Variants in EPB41L2 observed in about 807,000 individuals in gnomAD.
EPB41L2 encodes band 4.1-like protein 2.
EPB41L2 carries 43 observed loss-of-function variants against 113.0 expected under a neutral mutation model. That is an observed-to-expected ratio of 0.38 (90% CI 0.30 to 0.49). The LOEUF (loss-of-function observed/expected upper bound fraction) is 0.49. Among genes scored for constraint, EPB41L2 ranks in the 20% least tolerant of loss-of-function variants. The pLI, the probability that EPB41L2 is intolerant of heterozygous loss-of-function variation, is 0.95. For synonymous variants in EPB41L2, 442 were observed against 436.7 expected (o/e 1.01, Z -0.15); for missense variants, 1,147 against 1,223.4 (o/e 0.94, Z 0.93).
chr6:130,880,009 A>G, intron 13 of EPB41L2, 135 bp downstream of exon 13: 1 of 623,272 alleles, frequency 1.6e-6, no homozygotes, highest in Non-Finnish European at 2.9e-6. Context: ...GGTAACATGC[A>G]CTCCCGAGCT....
At position 130,885,156 on chromosome 6, in the gene EPB41L2, G is replaced by C. The variant is rs766718627; in HGVS notation, c.1773C>G (p.Asp591Glu). ...TTGGGCTTCTCACTTCCCTCCTGCC[G>C]TCCCCATCTTGTACCACGGCAATGC... ...LVSIAVVQDG[D>E]GRREVRSPTK... is the part of the protein sequence containing the mutation. Residue 591 changes from aspartate to glutamate, a missense_variant, in exon 12 of 20, where the codon GAC becomes GAG. Asp to Glu is a conservative substitution (Grantham distance 45). Transcript: ENST00000337057. The C allele has an allele frequency of 6.2e-7, 1 of 1,614,004 alleles. No homozygotes were observed. The highest frequency in any genetic ancestry group is 2.2e-5 in the East Asian group (1 of 44,864).
At chr6:131,027,303 C>T (rs535221686) in intron 1 of EPB41L2, among the ~76,000 whole-genome samples, 1 of 152,258 alleles carries the variant, frequency 6.6e-6, no homozygotes, top group South Asian at 2.1e-4. Flanking sequence ...CTGAAATATA[C>T]TCAAGTCATA....
rs1386247330 is a variant in EPB41L2, at chr6:130,899,484, A to G, written c.1236+7T>C. On this transcript the variant is annotated splice_region_variant and intron_variant, in intron 8 of 19. Transcript: ENST00000337057. ...TATGATGCTACTCCCCGTTACATTT[A>G]CAGTACCTTGGCATGATGTAGGTCA... 1 of 1,611,760 alleles carries G rather than the reference A, an allele frequency of 6.2e-7. No homozygotes were observed. Among genetic ancestry groups the G allele is most frequent in the East Asian group, 2.2e-5 (1 of 44,872 alleles).
intron 1 of EPB41L2, among the ~76,000 whole-genome samples, chr6:130,983,368 T>C (rs1452592837): frequency 6.6e-6 from 1 of 152,170 alleles, no homozygotes; most frequent in Admixed American, 6.5e-5. Flanking sequence ...TTAAGGTGAT[T>C]GGTGATTTCA....
chr6:130,879,761 A>C (rs1788679725), intron 13 of EPB41L2, among the ~76,000 whole-genome samples: 1 of 152,250 alleles, frequency 6.6e-6, no homozygotes, highest in Non-Finnish European at 1.5e-5. Context: ...TTAATGCCAG[A>C]TCAATAAACA....
intron 1 of EPB41L2, among the ~76,000 whole-genome samples, chr6:131,006,639 G>A (rs1357429557): frequency 1.2e-4 from 1 of 8,318 alleles, no homozygotes; most frequent in Non-Finnish European, 2.3e-4. Context: ...CACTGAACCC[G>A]ACTGGGTGAC....
At chr6:131,013,908 G>C (rs935439631) in intron 1 of EPB41L2, among the ~76,000 whole-genome samples, 22 of 152,186 alleles carry the variant, frequency 1.4e-4, no homozygotes, top group African/African-American at 5.3e-4. Context: ...GAAATTTATA[G>C]GACATTCGGA....
At chr6:131,051,725 T>C (rs980658486) in intron 1 of EPB41L2, among the ~76,000 whole-genome samples, 1 of 152,148 alleles carries the variant, frequency 6.6e-6, no homozygotes, top group Non-Finnish European at 1.5e-5. Context: ...TTCAAATGGC[T>C]TCAAAAGATG....
chr6:131,022,498 G>A (rs1034989710), intron 1 of EPB41L2, among the ~76,000 whole-genome samples: 4 of 152,106 alleles, frequency 2.6e-5, no homozygotes, highest in African/African-American at 9.7e-5. Flanking sequence ...GCTTTATTTT[G>A]AATAATAAAT....
chr6:130,853,644 G>A (rs748262406), intron 19 of EPB41L2, among the ~76,000 whole-genome samples: 5 of 152,122 alleles, frequency 3.3e-5, no homozygotes, highest in Admixed American at 6.5e-5. Context: ...GTGGACTTGG[G>A]AGGTTCGTCC....
intron 1 of EPB41L2, chr6:130,978,862 T>C (rs1382977203): frequency 6.6e-6 from 1 of 152,234 alleles, no homozygotes; most frequent in African/African-American, 2.4e-5. Flanking sequence ...GAGGTGACAC[T>C]TGACCTGACC....
At chr6:130,919,839 AG>A (rs1293805016) in intron 4 of EPB41L2, among the ~76,000 whole-genome samples, 1 of 152,238 alleles carries the variant, frequency 6.6e-6, no homozygotes. Flanking sequence ...CAATCTCAGC[AG>A]AACTATTAAC....
At chr6:131,026,497 T>C (rs756598819) in intron 1 of EPB41L2, among the ~76,000 whole-genome samples, 6 of 152,202 alleles carry the variant, frequency 3.9e-5, no homozygotes, top group Non-Finnish European at 7.4e-5. Context: ...ATGGTTCAGC[T>C]TTCCTAAGCC....
chr6:130,944,954 G>C (rs1812295416), intron 3 of EPB41L2, among the ~76,000 whole-genome samples: 1 of 152,120 alleles, frequency 6.6e-6, no homozygotes, highest in Non-Finnish European at 1.5e-5. Flanking sequence ...TTCCCATTTA[G>C]TAAATACAAA....
At chr6:131,053,485 G>A (rs1797024773) in intron 1 of EPB41L2, among the ~76,000 whole-genome samples, 1 of 151,196 alleles carries the variant, frequency 6.6e-6, no homozygotes, top group Non-Finnish European at 1.5e-5. Flanking sequence ...GAAAGGCCAG[G>A]GGAAGAAAAG....
In EPB41L2 at chr6:131,044,021, T is replaced by C. The variant is rs1363059180; in HGVS notation, c.-15+19134A>G. 2.3e-4 allele frequency among the ~76,000 whole-genome samples: 8 copies of C among 34,310 alleles called. No homozygotes were observed. The African/African-American group carries it at 3.5e-3, about 15-fold the overall frequency. 22.5% of individuals were successfully genotyped at this position (34,310 alleles called of 152,430 possible). A position where few individuals can be genotyped will look rare whatever the true frequency, so the allele number is the denominator to read the frequency against. ...TATTTAAAACTTTCTAAATAATGCT[T>C]TTTTTTTTTTTTTTTTTTGAGACAG... On this transcript the variant is annotated intron_variant, in intron 1 of 19. Coordinates refer to ENST00000337057, the MANE Select transcript of EPB41L2 (RefSeq NM_001431.4).
At chr6:130,937,547 G>A (rs566464829) in intron 3 of EPB41L2, among the ~76,000 whole-genome samples, 56 of 152,116 alleles carry the variant, frequency 3.7e-4, no homozygotes, top group Non-Finnish European at 6.6e-4. Context: ...TTGGCTGGGC[G>A]CGGTGGCTCA....
intron 19 of EPB41L2, among the ~76,000 whole-genome samples, chr6:130,856,425 A>G: frequency 6.6e-6 from 1 of 152,228 alleles, no homozygotes; most frequent in Non-Finnish European, 1.5e-5. Flanking sequence ...TAAGGTTTTG[A>G]AGTTTTTGGC....
At chr6:130,858,298 C>A in intron 18 of EPB41L2, 55 bp from the exon 19 acceptor site, 1 of 1,409,768 alleles carries the variant, frequency 7.1e-7, no homozygotes, top group South Asian at 1.3e-5. Flanking sequence ...CTCCACCTCA[C>A]AATGGCAAAA....
Sources: gnomAD v4.1 joint callset for allele counts (sites outside exome capture counted in the v4.1 genomes callset) on GRCh38, gnomAD v4.1.1 for gene constraint, MANE v1.5 for transcripts, NCBI Gene and HGNC (gene_info 2026-07-23, HGNC 2026-07-21) for gene names.